The following SEMA3A variants were observed in gnomAD, a reference collection of about 807,000 sequenced individuals.
SEMA3A encodes semaphorin 3A, also known as semaphorin-3A.
Under a neutral mutation model 97.9 loss-of-function variants are expected in SEMA3A, and 29 were observed. The observed-to-expected ratio is 0.30, with a 90% CI of 0.22 to 0.40. SEMA3A has a LOEUF of 0.40. Ranked by LOEUF, SEMA3A falls within the 10% of genes least tolerant of loss-of-function variation. The probability of loss-of-function intolerance (pLI) is 1.00; values close to 1 mark genes in which losing one functional copy is unlikely to be tolerated. For missense variants in SEMA3A, 763 were observed against 951.3 expected (o/e 0.80, Z 2.60); for synonymous variants, 321 against 323.7 (o/e 0.99, Z 0.09).
intron 1 of SEMA3A, among the ~76,000 whole-genome samples, chr7:84,161,306 G>A (rs1797026991): frequency 6.6e-6 from 1 of 151,870 alleles, no homozygotes; most frequent in Non-Finnish European, 1.5e-5. Context: ...GGAGGTTGCA[G>A]TTAGCCAGGA....
intron 5 of SEMA3A, among the ~76,000 whole-genome samples, chr7:84,054,144 T>C (rs1435405926): frequency 1.5e-4 from 23 of 152,006 alleles, no homozygotes; most frequent in African/African-American, 3.6e-4. Context: ...CTGCCCTTAA[T>C]ATTTTTTCCT....
At chr7:84,401,196 C>T (rs1157549884) in intron 1 of SEMA3A, among the ~76,000 whole-genome samples, 2 of 151,978 alleles carry the variant, frequency 1.3e-5, no homozygotes, top group Admixed American at 6.6e-5. Flanking sequence ...ATACAAAAAC[C>T]AGCAGCATTT....
intron 12 of SEMA3A, among the ~76,000 whole-genome samples, chr7:83,987,513 T>G (rs991438508): frequency 6.6e-6 from 1 of 152,144 alleles, no homozygotes; most frequent in African/African-American, 2.4e-5. Flanking sequence ...TGAAAGGATG[T>G]GAGGAGGCAG....
At chr7:84,119,095 C>G (rs1319878893) in intron 3 of SEMA3A, among the ~76,000 whole-genome samples, 1 of 152,040 alleles carries the variant, frequency 6.6e-6, no homozygotes, top group Non-Finnish European at 1.5e-5. Context: ...TGAATGATTT[C>G]TGCTTTTTAA....
At chr7:84,272,546 A>G (rs886072550) in intron 3 of SEMA3A, among the ~76,000 whole-genome samples, 44 of 152,140 alleles carry the variant, frequency 2.9e-4, no homozygotes, top group African/African-American at 9.7e-4. Context: ...AGGCAACAAA[A>G]TAAGATTATA....
At chr7:84,149,334 G>A (rs957787410) in intron 1 of SEMA3A, among the ~76,000 whole-genome samples, 1 of 152,192 alleles carries the variant, frequency 6.6e-6, no homozygotes, top group Non-Finnish European at 1.5e-5. Flanking sequence ...TCTACAATTG[G>A]GTCATATTTA....
intron 4 of SEMA3A, among the ~76,000 whole-genome samples, chr7:84,092,929 A>AG (rs1794643369): frequency 6.6e-6 from 1 of 152,180 alleles, no homozygotes; most frequent in Non-Finnish European, 1.5e-5. Context: ...ACAAGGGATA[A>AG]GACAATTGTG....
intron 14 of SEMA3A, among the ~76,000 whole-genome samples, chr7:83,980,625 T>TAA (rs1789370977): frequency 3.9e-5 from 2 of 50,634 alleles, no homozygotes; most frequent in Non-Finnish European, 4.3e-5. Context: ...AAAAAAAAAA[T>TAA]ATATATATAT....
chr7:84,199,577 T>TC (rs1798307642), upstream of SEMA3A, among the ~76,000 whole-genome samples: 1 of 151,718 alleles, frequency 6.6e-6, no homozygotes, highest in African/African-American at 2.4e-5. Context: ...TTTTTTTTTT[T>TC]CTTCAAGGAA....
chr7:84,054,536 C>T (rs1021952634), intron 5 of SEMA3A, among the ~76,000 whole-genome samples: 3 of 151,708 alleles, frequency 2.0e-5, no homozygotes, highest in Non-Finnish European at 2.9e-5. Flanking sequence ...AGTTCTCGAG[C>T]CTTGGTTTTC....
chr7:84,136,960 AGAAGGAAGGAAGGAAGGAAGGAAG>A (rs201748268), intron 1 of SEMA3A, among the ~76,000 whole-genome samples: 1 of 141,106 alleles, frequency 7.1e-6, no homozygotes, highest in African/African-American at 2.7e-5. Flanking sequence ...GAGGGAGGGA[AGAAGGAAGGAAGGAAGGAAGGAAG>A]GAAGGAAGGA....
intron 3 of SEMA3A, among the ~76,000 whole-genome samples, chr7:84,239,192 C>T (rs1435807226): frequency 6.6e-6 from 1 of 152,112 alleles, no homozygotes; most frequent in Non-Finnish European, 1.5e-5. Context: ...TGAATATTTG[C>T]TTTAGGTAAA....
chr7:84,420,473 A>G (rs1427679240), intron 1 of SEMA3A, among the ~76,000 whole-genome samples: 1 of 152,108 alleles, frequency 6.6e-6, no homozygotes, highest in East Asian at 1.9e-4. Context: ...ATAACAGCAG[A>G]CTTGAAGATA....
At chr7:84,335,864 T>C (rs1374157978) in intron 2 of SEMA3A, among the ~76,000 whole-genome samples, 1 of 152,156 alleles carries the variant, frequency 6.6e-6, no homozygotes, top group Non-Finnish European at 1.5e-5. Flanking sequence ...GATTTTATTT[T>C]ACTTAATATA....
chr7:84,084,013 C>G (rs747365722), intron 4 of SEMA3A, among the ~76,000 whole-genome samples: 1 of 151,924 alleles, frequency 6.6e-6, no homozygotes, highest in Non-Finnish European at 1.5e-5. Flanking sequence ...TTTTGCTGAC[C>G]TGTTTCAAGT....
chr7:84,403,047 G>A (rs533868209), intron 1 of SEMA3A, among the ~76,000 whole-genome samples: 4 of 152,112 alleles, frequency 2.6e-5, no homozygotes, highest in Non-Finnish European at 4.4e-5. Context: ...CGGAGAGTGG[G>A]TGCAGGACAG....
intron 3 of SEMA3A, among the ~76,000 whole-genome samples, chr7:84,122,454 A>G (rs13228833): frequency 6.6e-6 from 1 of 151,858 alleles, no homozygotes; most frequent in Non-Finnish European, 1.5e-5. Context: ...GCAAAAAGCT[A>G]GTCAGGGCGT....
At chr7:84,186,594 G>A (rs1236364160) in intron 1 of SEMA3A, among the ~76,000 whole-genome samples, 1 of 152,012 alleles carries the variant, frequency 6.6e-6, no homozygotes, top group Non-Finnish European at 1.5e-5. Context: ...TTTTAGCTAT[G>A]CCCAAATACA....
chr7:84,431,527 C>T (rs928775607), intron 1 of SEMA3A, among the ~76,000 whole-genome samples: 44 of 151,784 alleles, frequency 2.9e-4, no homozygotes, highest in African/African-American at 1.1e-3. Flanking sequence ...TTGAATTGCA[C>T]TCAATGACTA....
Sources: allele counts gnomAD v4.1 joint callset (sites outside exome capture counted in the v4.1 genomes callset), GRCh38; gene constraint gnomAD v4.1.1; transcripts MANE v1.5; gene names NCBI Gene and HGNC (gene_info 2026-07-23, HGNC 2026-07-21).